Variants in LDHC observed in about 807,000 individuals in gnomAD.
LDHC encodes L-lactate dehydrogenase C chain.
In LDHC, 20 loss-of-function variants were observed where a neutral mutation model predicts 30.2. The observed-to-expected ratio is 0.66, with a 90% CI of 0.47 to 0.96. The LOEUF (loss-of-function observed/expected upper bound fraction) is 0.96. Ranked by LOEUF, LDHC falls within the 40% of genes least tolerant of loss-of-function variation. LDHC has a pLI of 0.00. For missense variants in LDHC, 362 were observed against 394.9 expected, an observed-to-expected ratio of 0.92 and a Z score of 0.71; for synonymous variants, 139 against 132.7, an observed-to-expected ratio of 1.05 and a Z score of -0.32.
intron 3 of LDHC, among the ~76,000 whole-genome samples, chr11:18,415,724 G>A (rs1206855772): frequency 6.6e-6 from 1 of 151,468 alleles, no homozygotes; most frequent in African/African-American, 2.4e-5. Flanking sequence ...ATGGAGTCTC[G>A]CTCTGTTGCC....
intron 6 of LDHC, among the ~76,000 whole-genome samples, chr11:18,442,650 T>TTC (rs1228517941): frequency 4.3e-4 from 63 of 147,732 alleles, no homozygotes; most frequent in African/African-American, 1.3e-3. Context: ...TTTTATCTCT[T>TTC]TCTCTCTCTC....
intron 6 of LDHC, among the ~76,000 whole-genome samples, chr11:18,439,673 C>A (rs1198045053): frequency 6.7e-6 from 1 of 149,934 alleles, no homozygotes; most frequent in African/African-American, 2.5e-5. Context: ...CTTAAAACAA[C>A]CCTACAAAAA....
rs762530928 is a variant in LDHC at position 18,436,481 on chromosome 11, G to GATTTTTTT, written c.592+1568_592+1569insATTTTTTT. Among the ~76,000 whole-genome samples, 45 of 108,196 alleles carry GATTTTTTT rather than the reference G, an allele frequency of 4.2e-4. 4 individuals are homozygous for GATTTTTTT. Among genetic ancestry groups the GATTTTTTT allele is most frequent in the African/African-American group, 1.5e-3 (42 of 28,148 alleles). The allele number at this position is 108,196 out of a possible 152,430, so 71.0% of individuals were successfully genotyped here. ...TTACTCTCCTTTGGGATAATACAAA[G>GATTTTTTT]TTTTTTTTTTTTTTTTTTTTTTGAG... On this transcript the variant is annotated intron_variant, in intron 5 of 7. Transcript: ENST00000541669.
chr11:18,424,894 G>C (rs1024419627), intron 3 of LDHC, among the ~76,000 whole-genome samples: 3 of 152,124 alleles, frequency 2.0e-5, no homozygotes, highest in African/African-American at 7.2e-5. Flanking sequence ...TGTAATTCCA[G>C]CTACTCGGGA....
At chr11:18,450,830 A>G (rs1369039264) in intron 7 of LDHC, 133 bp from the exon 8 acceptor site, 1 of 610,116 alleles carries the variant, frequency 1.6e-6, no homozygotes. Context: ...TTTGCTGACC[A>G]TCACTCTGCC....
At chr11:18,429,435 A>G (rs190715347) in intron 3 of LDHC, among the ~76,000 whole-genome samples, 6 of 152,246 alleles carry the variant, frequency 3.9e-5, no homozygotes, top group Admixed American at 2.0e-4. Context: ...CTAAGAAGGC[A>G]GAGAGCTGAC....
At chr11:18,450,750 C>A (rs148207035) in intron 7 of LDHC, 2 of 438,590 alleles carry the variant, frequency 4.6e-6, no homozygotes, top group Non-Finnish European at 4.0e-6. Flanking sequence ...CTTCTAAAGG[C>A]CTCTGGCATC....
At chr11:18,433,464 A>G (rs183161772) in intron 4 of LDHC, among the ~76,000 whole-genome samples, 4 of 152,026 alleles carry the variant, frequency 2.6e-5, no homozygotes, top group African/African-American at 9.6e-5. Context: ...TTAGAGCTCC[A>G]TTTAGCAGTT....
intron 6 of LDHC, among the ~76,000 whole-genome samples, chr11:18,444,230 A>G (rs1188238921): frequency 3.3e-5 from 5 of 152,136 alleles, no homozygotes; most frequent in African/African-American, 9.7e-5. Context: ...AGGATGGTTA[A>G]TAACAACTAA....
intron 2 of LDHC, among the ~76,000 whole-genome samples, chr11:18,414,736 G>A (rs773880281): frequency 9.2e-5 from 14 of 152,152 alleles, no homozygotes; most frequent in Non-Finnish European, 1.8e-4. Context: ...GCTGAAGCAC[G>A]AAAATTGCTT....
chr11:18,429,974 A>C (rs1848235616), intron 4 of LDHC, 64 bp downstream of exon 4: 10 of 990,478 alleles, frequency 1.0e-5, no homozygotes, highest in Non-Finnish European at 9.1e-6. Context: ...CCTTTAAAAG[A>C]ATCAACTTCA....
intron 6 of LDHC, among the ~76,000 whole-genome samples, chr11:18,440,308 G>C (rs1403208304): frequency 6.6e-6 from 1 of 151,842 alleles, no homozygotes; most frequent in South Asian, 2.1e-4. Context: ...GCAAGACTCT[G>C]TTTCAAAGAA....
In LDHC at chr11:18,449,142, C is replaced by A. The variant is rs75740864; in HGVS notation, c.835-1821C>A. On this transcript the variant is annotated intron_variant, in intron 7 of 7. Coordinates refer to ENST00000541669, the MANE Select transcript of LDHC (RefSeq NM_017448.5). ...CTTCTTCCCCTGCCACCATCAGAGG[C>A]CTTGCCTCTGATTACACCCATGGAA... 2.0e-5 allele frequency among the ~76,000 whole-genome samples: 3 copies of A among 151,866 alleles called. No individual in the cohort carries two copies. In the South Asian group the frequency reaches 6.2e-4, roughly 32 times the overall value.
intron 5 of LDHC, among the ~76,000 whole-genome samples, chr11:18,436,910 A>G (rs990342245): frequency 6.8e-5 from 10 of 147,366 alleles, no homozygotes; most frequent in African/African-American, 2.6e-4. Context: ...CTGTTCTTAT[A>G]TCCCCCAAAC....
chr11:18,433,207 G>C (rs1050894574), intron 4 of LDHC, among the ~76,000 whole-genome samples: 2 of 152,090 alleles, frequency 1.3e-5, no homozygotes, highest in Non-Finnish European at 2.9e-5. Flanking sequence ...CCAACATAGT[G>C]AAACCCTGTC....
At chr11:18,442,086 C>T (rs895868203) in intron 6 of LDHC, among the ~76,000 whole-genome samples, 1 of 151,842 alleles carries the variant, frequency 6.6e-6, no homozygotes, top group African/African-American at 2.4e-5. Flanking sequence ...TTTTTAACTG[C>T]AAAAGTGGGA....
intron 5 of LDHC, among the ~76,000 whole-genome samples, chr11:18,438,303 C>A (rs888607136): frequency 6.6e-6 from 1 of 152,142 alleles, no homozygotes; most frequent in Admixed American, 6.6e-5. Context: ...AGTGAAGACT[C>A]ACTCTTCAAC....
In LDHC at chr11:18,451,079, G is replaced by A; in HGVS notation, c.951G>A (p.Lys317=). Residue 317 remains lysine (K), a synonymous_variant, in exon 8 of 8, where the codon AAG becomes AAA. Transcript: ENST00000541669. ...ATTCTGAGGAGGAGGCCCTTTTCAA[G>A]AAGAGTGCAGAAACACTTTGGAATA... ...NLNSEEEALF[K]KSAETLWNIQ... 1 of 1,581,318 alleles carries A rather than the reference G, an allele frequency of 6.3e-7. No homozygotes were observed.
In LDHC at chr11:18,412,811, G is replaced by T; in HGVS notation, c.94G>T (p.Gly32Cys). 6.2e-7 allele frequency: 1 copy of T among 1,614,020 alleles called. No homozygotes were observed. Among genetic ancestry groups the T allele is most frequent in the South Asian group, 1.1e-5 (1 of 91,042 alleles). Residue 32 changes from glycine (G) to cysteine (C), a missense_variant, in exon 2 of 8, where the codon GGC (glycine) becomes TGC (cysteine). Gly to Cys is a radical substitution (Grantham distance 159). Coordinates refer to ENST00000541669, the MANE Select transcript of LDHC (RefSeq NM_017448.5). ...KITIVGTGAVGMACAISILLK... is the reference protein window; with the variant it reads ...KITIVGTGAVCMACAISILLK... The stretch of plus-strand genomic sequence containing the variant: ...TACTATTGTTGGAACTGGTGCCGTA[G>T]GCATGGCTTGTGCTATTAGTATCTT...
Sources: allele counts gnomAD v4.1 joint callset (sites outside exome capture counted in the v4.1 genomes callset), GRCh38; gene constraint gnomAD v4.1.1; transcripts MANE v1.5; gene names NCBI Gene and HGNC (gene_info 2026-07-23, HGNC 2026-07-21).